Variants in PRTG observed in about 807,000 individuals in gnomAD.
PRTG encodes the protein protogenin.
PRTG carries 67 observed loss-of-function variants against 122.5 expected under a neutral mutation model. That is an observed-to-expected ratio of 0.55 (90% confidence interval 0.45 to 0.67). The LOEUF is 0.67. Ranked by LOEUF, PRTG falls within the 30% of genes least tolerant of loss-of-function variation. The probability of loss-of-function intolerance (pLI) is 0.00; values close to 1 mark genes in which losing one functional copy is unlikely to be tolerated. For missense variants in PRTG, 1,435 were observed against 1,415.4 expected, an observed-to-expected ratio of 1.01 and a Z score of -0.22; for synonymous variants, 554 against 501.1, an observed-to-expected ratio of 1.11 and a Z score of -1.41.
Position 55,637,334 on chromosome 15 carries a change from G to C in PRTG, c.2459C>G (p.Ala820Gly). The C allele has an allele frequency of 1.2e-6, 2 of 1,611,272 alleles. No homozygotes were observed. Among genetic ancestry groups the C allele is most frequent in the Non-Finnish European group, 8.5e-7 (1 of 1,178,928 alleles). The stretch of plus-strand genomic sequence containing the variant: ...CACTTTTACTCCAACTGGTGGGCCT[G>C]CTGGTGCTGTGCAGACACAACAAAA... Reference protein sequence around the residue: ...VYHSTLPEAPAGPPVGVKVTL... With the variant: ...VYHSTLPEAPGGPPVGVKVTL... The change falls in exon 15 of 20, where the codon GCA becomes GGA. Residue 820 changes from alanine to glycine, a missense_variant. By Grantham distance (60) the Ala-to-Gly change is moderately conservative. Coordinates refer to ENST00000389286, the MANE Select transcript of PRTG (RefSeq NM_173814.6).
At chr15:55,662,827 T>A (rs1369392263) in intron 11 of PRTG, among the ~76,000 whole-genome samples, 1 of 152,210 alleles carries the variant, frequency 6.6e-6, no homozygotes, top group Non-Finnish European at 1.5e-5. Flanking sequence ...TCTGCTGAAG[T>A]CTGATAATCT....
intron 2 of PRTG, among the ~76,000 whole-genome samples, chr15:55,737,872 T>A (rs1434975711): frequency 5.4e-5 from 8 of 147,814 alleles, no homozygotes; most frequent in African/African-American, 2.0e-4. Context: ...AATCCTTGAC[T>A]AAGAAAAAAA....
chr15:55,655,447 T>C (rs374017213), intron 11 of PRTG: 5 of 152,250 alleles, frequency 3.3e-5, no homozygotes, highest in African/African-American at 1.2e-4. Context: ...AGGTTTCTTA[T>C]ATTCAATCTG....
intron 15 of PRTG, among the ~76,000 whole-genome samples, chr15:55,633,533 A>C (rs1407177316): frequency 1.3e-5 from 2 of 152,210 alleles, no homozygotes; most frequent in Non-Finnish European, 2.9e-5. Flanking sequence ...TTCCATTTGT[A>C]TTAAAATATG....
chr15:55,675,754 C>T, intron 8 of PRTG, 71 bp from the exon 9 acceptor site: 1 of 851,080 alleles, frequency 1.2e-6, no homozygotes, highest in Non-Finnish European at 1.9e-6. Flanking sequence ...TTTTCCTGCA[C>T]TGTGAAACAC....
chr15:55,709,368 A>T (rs971447005), intron 2 of PRTG, among the ~76,000 whole-genome samples: 14 of 147,542 alleles, frequency 9.5e-5, no homozygotes, highest in African/African-American at 3.0e-4. Context: ...AATATATATA[A>T]AATATACAAT....
chr15:55,714,639 T>C (rs1281515599), intron 2 of PRTG, among the ~76,000 whole-genome samples: 2 of 152,110 alleles, frequency 1.3e-5, no homozygotes, highest in Non-Finnish European at 2.9e-5. Flanking sequence ...CTCAAAGTAC[T>C]TTTAATTATT....
intron 2 of PRTG, among the ~76,000 whole-genome samples, chr15:55,708,320 G>C: frequency 6.6e-6 from 1 of 152,102 alleles, no homozygotes; most frequent in Non-Finnish European, 1.5e-5. Flanking sequence ...CAAATAAAGT[G>C]AAACCAGGCC....
intron 11 of PRTG, among the ~76,000 whole-genome samples, chr15:55,654,829 T>C (rs1475504321): frequency 6.6e-6 from 1 of 152,224 alleles, no homozygotes; most frequent in Admixed American, 6.5e-5. Flanking sequence ...GGGCTTGCCA[T>C]GCCATTTTGA....
chr15:55,693,381 A>T (rs1457395057), intron 2 of PRTG, among the ~76,000 whole-genome samples: 3 of 152,042 alleles, frequency 2.0e-5, no homozygotes, highest in Non-Finnish European at 4.4e-5. Flanking sequence ...GCTTGAACCC[A>T]GAAGGCGGAG....
intron 11 of PRTG, chr15:55,655,793 A>G (rs752130132): frequency 2.0e-5 from 3 of 152,212 alleles, no homozygotes; most frequent in Non-Finnish European, 4.4e-5. Context: ...GAATTTTTTT[A>G]TAAGCAATTA....
intron 2 of PRTG, among the ~76,000 whole-genome samples, chr15:55,688,920 G>A (rs2059585358): frequency 6.6e-6 from 1 of 152,172 alleles, no homozygotes; most frequent in African/African-American, 2.4e-5. Flanking sequence ...CTGTATCTCT[G>A]CTTCATCTTT....
At chr15:55,719,247 C>A (rs762830481) in intron 2 of PRTG, among the ~76,000 whole-genome samples, 3 of 152,036 alleles carry the variant, frequency 2.0e-5, no homozygotes, top group Non-Finnish European at 4.4e-5. Flanking sequence ...CTGATATTTA[C>A]AAGTTAATGA....
At chr15:55,711,455 G>A (rs192903174) in intron 2 of PRTG, among the ~76,000 whole-genome samples, 122 of 152,212 alleles carry the variant, frequency 8.0e-4, no homozygotes, top group African/African-American at 2.7e-3. Context: ...TGGAATCTGG[G>A]CAGACCTTGA....
chr15:55,620,689 C>T lies in PRTG; in HGVS notation c.3172G>A (p.Asp1058Asn), dbSNP rs771080829. 2.0e-5 allele frequency: 32 copies of T among 1,597,622 alleles called. No homozygotes were observed. The East Asian group carries it at 7.0e-4, about 35-fold the overall frequency. Residue 1058 changes from aspartate to asparagine, a missense_variant, in exon 19 of 20, where the codon GAC (aspartate) becomes AAC (asparagine). By Grantham distance (23) the Asp-to-Asn change is conservative. Transcript: ENST00000389286. ...NSKKKWFFFQ[D>N]SKKIQVEQPQ... The stretch of plus-strand genomic sequence containing the variant: ...TGCTCAACTTGTATCTTCTTTGAGT[C>T]TTGGAAAAAAAACCACTTTTTCTTA...
chr15:55,646,656 G>C (rs188893952), intron 11 of PRTG, among the ~76,000 whole-genome samples: 216 of 152,262 alleles, frequency 1.4e-3, no homozygotes, highest in African/African-American at 4.9e-3. Context: ...CTGGGGTGAT[G>C]GCTCAAATGG....
rs188718245 is a variant in PRTG, at chr15:55,738,823, G to C, written c.397+1559C>G. Among the ~76,000 whole-genome samples, 27 of 145,126 alleles carry C rather than the reference G, an allele frequency of 1.9e-4. No individual in the cohort carries two copies. The East Asian group carries it at 4.8e-3, about 26-fold the overall frequency. On this transcript the variant is annotated intron_variant, in intron 2 of 19. Coordinates refer to ENST00000389286, the MANE Select transcript of PRTG (RefSeq NM_173814.6). ...AGGGAGGAAGGAAGGAAGGAAGGGA[G>C]AGAAACAAGGAGGGAGAATGGTAGG...
At chr15:55,713,930 T>G (rs544702219) in intron 2 of PRTG, among the ~76,000 whole-genome samples, 1 of 152,290 alleles carries the variant, frequency 6.6e-6, no homozygotes, top group African/African-American at 2.4e-5. Flanking sequence ...AATTTATTAA[T>G]TTTTTTCTTC....
At chr15:55,695,402 TCA>T (rs112123257) in intron 2 of PRTG, among the ~76,000 whole-genome samples, 14 of 152,324 alleles carry the variant, frequency 9.2e-5, no homozygotes, top group African/African-American at 3.4e-4. Flanking sequence ...AAGAAAAACA[TCA>T]CATTCTTTTT....
Sources: allele counts gnomAD v4.1 joint callset (sites outside exome capture counted in the v4.1 genomes callset), GRCh38; gene constraint gnomAD v4.1.1; transcripts MANE v1.5; gene names NCBI Gene and HGNC (gene_info 2026-07-23, HGNC 2026-07-21).